The following RTF1 variants were observed in gnomAD, a reference collection of about 807,000 sequenced individuals.
RTF1 encodes RTF1 homolog, Paf1/RNA polymerase II complex component, also known as RNA polymerase-associated protein RTF1 homolog.
RTF1 carries 10 observed loss-of-function variants against 95.7 expected under a neutral mutation model. The ratio of observed to expected loss-of-function variants is 0.10; its 90% CI spans 0.06 to 0.18. The LOEUF is 0.18. RTF1 is among the 10% of genes least tolerant of loss of function. The pLI is 1.00. For synonymous variants in RTF1, 305 were observed against 311.8 expected (o/e 0.98, Z 0.23); for missense variants, 458 against 875.6 (o/e 0.52, Z 6.02).
Position 41,436,765 on chromosome 15 carries a change from G to A in RTF1, c.199-1556G>A, listed in dbSNP as rs146559207. On this transcript the variant is annotated intron_variant, in intron 1 of 17. Transcript: ENST00000389629. ...GCCGAGATCGTGCCACTGCACTCTAGACTGGGCAACAGAGTGAGTCTCTGT... is the reference window on the plus strand; with the variant it reads ...GCCGAGATCGTGCCACTGCACTCTAAACTGGGCAACAGAGTGAGTCTCTGT... Among the ~76,000 whole-genome samples the A allele has an allele frequency of 7.9e-5, 12 of 152,172 alleles. No homozygotes were observed. In the East Asian group the frequency reaches 2.3e-3, roughly 29 times the overall value.
chr15:41,477,626 T>A, intron 14 of RTF1, 111 bp downstream of exon 14: 1 of 900,952 alleles, frequency 1.1e-6, no homozygotes. Flanking sequence ...CGTAGGCACT[T>A]AACGTATACA....
At chr15:41,478,381 A>C in intron 14 of RTF1, 167 bp from the exon 15 acceptor site, 1 of 604,966 alleles carries the variant, frequency 1.7e-6, no homozygotes, top group Non-Finnish European at 2.9e-6. Flanking sequence ...AGCCTAGGCG[A>C]CAGGGCGAGA....
rs574350377 is a variant in RTF1 at position 41,464,973 on chromosome 15, G to A, written c.777+88G>A. ...GTGTGTGTGTGTGTGTGTGTAAAAGGTGGATTTATATTAATCAGCCTAAGT... is the reference window on the plus strand; with the variant it reads ...GTGTGTGTGTGTGTGTGTGTAAAAGATGGATTTATATTAATCAGCCTAAGT... On this transcript the variant is annotated intron_variant, in intron 5 of 17. Coordinates refer to ENST00000389629, the MANE Select transcript of RTF1 (RefSeq NM_015138.5). 45 of 1,348,688 alleles carry A rather than the reference G, an allele frequency of 3.3e-5. No homozygotes were observed. In the Middle Eastern group the frequency reaches 8.6e-4, roughly 26 times the overall value. 83.5% of individuals were successfully genotyped at this position (1,348,688 alleles called of 1,614,324 possible).
chr15:41,458,788 C>T (rs866214849), intron 4 of RTF1, among the ~76,000 whole-genome samples: 1 of 151,382 alleles, frequency 6.6e-6, no homozygotes, highest in Non-Finnish European at 1.5e-5. Context: ...AAAGGAATTA[C>T]AGGCCAAGTG....
At chr15:41,433,205 T>G (rs1363366948) in intron 1 of RTF1, among the ~76,000 whole-genome samples, 1 of 151,866 alleles carries the variant, frequency 6.6e-6, no homozygotes, top group East Asian at 1.9e-4. Context: ...CCGAGATCAC[T>G]CCACTATACT....
intron 2 of RTF1, 54 bp downstream of exon 2, chr15:41,438,485 C>T (rs2050716388): frequency 1.1e-5 from 13 of 1,189,572 alleles, no homozygotes; most frequent in Non-Finnish European, 1.2e-5. Context: ...AGGCTCCTCG[C>T]TTTGGTGGCT....
chr15:41,461,164 T>G (rs1168342382), intron 4 of RTF1, among the ~76,000 whole-genome samples: 1 of 151,452 alleles, frequency 6.6e-6, no homozygotes, highest in Non-Finnish European at 1.5e-5. Context: ...TGCCTCAGCC[T>G]CCCCTGTAGC....
At chr15:41,442,771 A>AGG (rs1566840469) in intron 2 of RTF1, among the ~76,000 whole-genome samples, 5 of 152,110 alleles carry the variant, frequency 3.3e-5, no homozygotes, top group Non-Finnish European at 7.3e-5. Flanking sequence ...CTGTAGTCCT[A>AGG]GCTACTCGGG....
rs760923547 is a variant in RTF1, at chr15:41,477,186, G to T, written c.1582G>T (p.Asp528Tyr). Residue 528 changes from aspartate (D) to tyrosine (Y), a missense_variant, in exon 13 of 18, where the codon GAT becomes TAT. Transcript: ENST00000389629. ...KEKAMAEDLG[D>Y]QDKAKQIQDQ... is the part of the protein sequence containing the mutation. Reference sequence around the variant, plus strand: ...GTAGGCCATGGCTGAGGACCTGGGGGATCAGGACAAGGCCAAACAAATCCA... The same window carrying T: ...GTAGGCCATGGCTGAGGACCTGGGGTATCAGGACAAGGCCAAACAAATCCA... 2 of 1,614,192 alleles carry T rather than the reference G, an allele frequency of 1.2e-6. No individual in the cohort carries two copies. Among genetic ancestry groups the T allele is most frequent in the Non-Finnish European group, 1.7e-6 (2 of 1,180,044 alleles).
At chr15:41,447,325 A>T (rs1307914813) in intron 2 of RTF1, among the ~76,000 whole-genome samples, 1 of 152,024 alleles carries the variant, frequency 6.6e-6, no homozygotes, top group Non-Finnish European at 1.5e-5. Context: ...ATGCCACCCT[A>T]TTCCAGAGCA....
intron 4 of RTF1, 76 bp from the exon 5 acceptor site, chr15:41,464,695 C>T: frequency 7.8e-7 from 1 of 1,275,792 alleles, no homozygotes. Context: ...TCCCTTAGTT[C>T]CTTTCTCCTA....
At chr15:41,426,988 C>T (rs2050637405) in intron 1 of RTF1, among the ~76,000 whole-genome samples, 1 of 147,934 alleles carries the variant, frequency 6.8e-6, no homozygotes, top group Non-Finnish European at 1.5e-5. Flanking sequence ...ATTACAGGGG[C>T]CCACCACCAC....
intron 1 of RTF1, among the ~76,000 whole-genome samples, chr15:41,436,093 G>A (rs1383851612): frequency 6.6e-6 from 1 of 151,812 alleles, no homozygotes; most frequent in Non-Finnish European, 1.5e-5. Flanking sequence ...AATCACCTGA[G>A]GTCAGTAGTT....
chr15:41,441,760 C>T lies in RTF1; in HGVS notation c.309+3329C>T, dbSNP rs73407129. 9.5e-3 allele frequency among the ~76,000 whole-genome samples: 1,451 copies of T among 152,308 alleles called. 23 individuals carry two copies. Among genetic ancestry groups the T allele is most frequent in the African/African-American group, 0.034 (1,393 of 41,566 alleles). On this transcript the variant is annotated intron_variant, in intron 2 of 17. Coordinates refer to ENST00000389629, the MANE Select transcript of RTF1 (RefSeq NM_015138.5). Reference sequence around the variant, plus strand: ...AATGAGCGTTTGAGTGACTTTTCCCCTACAGGATTCTTAGCTCCTGCTGCT... The same window carrying T: ...AATGAGCGTTTGAGTGACTTTTCCCTTACAGGATTCTTAGCTCCTGCTGCT...
rs1595441082 is a variant in RTF1, at chr15:41,476,536, A to C, written c.1560+13A>C. ...ACTGAAGGAAAAGGTAAGGAGTTGT[A>C]CTCGAGCCTCTTTCCTCATCCTGTA... On this transcript the variant is annotated intron_variant, in intron 12 of 17. Transcript: ENST00000389629. 8.1e-6 allele frequency: 13 copies of C among 1,607,210 alleles called. No homozygotes were observed. The highest frequency in any genetic ancestry group is 1.1e-5 in the Non-Finnish European group (13 of 1,173,900).
chr15:41,466,306 G>A, intron 6 of RTF1, 54 bp downstream of exon 6: 1 of 1,198,990 alleles, frequency 8.3e-7, no homozygotes, highest in South Asian at 1.6e-5. Flanking sequence ...TTGACTTCCT[G>A]GTGTCCATTT....
intron 1 of RTF1, among the ~76,000 whole-genome samples, chr15:41,436,362 C>G (rs916061906): frequency 5.4e-5 from 8 of 148,886 alleles, no homozygotes; most frequent in African/African-American, 2.0e-4. Context: ...GAGGCTGAGG[C>G]AGGAGAATGG....
Position 41,480,372 on chromosome 15 carries a change from C to T in RTF1, c.2026+47C>T, listed in dbSNP as rs1243846871. The T allele has an allele frequency of 4.5e-6, 6 of 1,328,278 alleles. No individual in the cohort carries two copies. The South Asian group carries it at 5.9e-5, about 13-fold the overall frequency. 82.3% of individuals were successfully genotyped at this position (1,328,278 alleles called of 1,614,324 possible). A position where few individuals can be genotyped will look rare whatever the true frequency, so the allele number is the denominator to read the frequency against. On this transcript the variant is annotated intron_variant, in intron 17 of 17. Transcript: ENST00000389629. Reference sequence around the variant, plus strand: ...GGTGAGGGCTGAGAACCAGATGGATCCATGGTTTTCTGGGGCAACAAGGAA... The same window carrying T: ...GGTGAGGGCTGAGAACCAGATGGATTCATGGTTTTCTGGGGCAACAAGGAA...
chr15:41,424,916 T>C (rs1318927723), intron 1 of RTF1, among the ~76,000 whole-genome samples: 1 of 150,982 alleles, frequency 6.6e-6, no homozygotes, highest in Non-Finnish European at 1.5e-5. Flanking sequence ...GGCTGAGGCA[T>C]GAGAATCCCT....
Sources: allele counts gnomAD v4.1 joint callset (sites outside exome capture counted in the v4.1 genomes callset), GRCh38; gene constraint gnomAD v4.1.1; transcripts MANE v1.5; gene names NCBI Gene and HGNC (gene_info 2026-07-23, HGNC 2026-07-21).